Variants in SLC39A11 observed in about 807,000 individuals in gnomAD.
SLC39A11 encodes the protein zinc transporter ZIP11.
Under a neutral mutation model 36.1 loss-of-function variants are expected in SLC39A11, and 33 were observed. That is an observed-to-expected ratio of 0.91 (90% confidence interval 0.69 to 1.22). SLC39A11 has a LOEUF of 1.22. Among genes scored for constraint, SLC39A11 ranks in the 50% most tolerant of loss-of-function variants. The pLI is 0.00. For missense variants in SLC39A11, 432 were observed against 430.3 expected, an observed-to-expected ratio of 1.00 and a Z score of -0.03; for synonymous variants, 166 against 170.3, an observed-to-expected ratio of 0.97 and a Z score of 0.20.
At chr17:72,745,460 C>A (rs911601243) in intron 6 of SLC39A11, among the ~76,000 whole-genome samples, 5 of 152,160 alleles carry the variant, frequency 3.3e-5, no homozygotes, top group Non-Finnish European at 7.3e-5. Context: ...CTGTCATTCC[C>A]CTTGTTCTGG....
At chr17:72,758,483 G>T (rs1341497573) in intron 6 of SLC39A11, among the ~76,000 whole-genome samples, 1 of 152,150 alleles carries the variant, frequency 6.6e-6, no homozygotes, top group Non-Finnish European at 1.5e-5. Flanking sequence ...CTTTCTTGTG[G>T]CAGGAGGTAG....
intron 7 of SLC39A11, among the ~76,000 whole-genome samples, chr17:72,718,146 T>C (rs1245170706): frequency 6.6e-6 from 1 of 152,186 alleles, no homozygotes; most frequent in African/African-American, 2.4e-5. Context: ...AAATGAGGTT[T>C]GATTTTAAAG....
intron 6 of SLC39A11, among the ~76,000 whole-genome samples, chr17:72,826,846 A>G (rs1298809177): frequency 6.6e-6 from 1 of 152,228 alleles, no homozygotes; most frequent in Non-Finnish European, 1.5e-5. Context: ...AAAGCAGATA[A>G]TAACAAGTGT....
intron 7 of SLC39A11, among the ~76,000 whole-genome samples, chr17:72,687,724 A>G (rs2144383177): frequency 6.6e-6 from 1 of 152,342 alleles, no homozygotes; most frequent in South Asian, 2.1e-4. Context: ...TCATGCTAAT[A>G]GTGTTGAAGC....
chr17:72,692,473 G>A (rs146112601), intron 7 of SLC39A11, among the ~76,000 whole-genome samples: 14 of 152,246 alleles, frequency 9.2e-5, no homozygotes, highest in African/African-American at 2.6e-4. Context: ...GAATCATGGC[G>A]GAAGGCAAAA....
chr17:72,742,657 T>C (rs1377577115), intron 6 of SLC39A11, among the ~76,000 whole-genome samples: 4 of 152,076 alleles, frequency 2.6e-5, no homozygotes, highest in Admixed American at 2.6e-4. Context: ...AAAATTTTCC[T>C]TTTTTTTCCT....
intron 6 of SLC39A11, among the ~76,000 whole-genome samples, chr17:72,807,548 C>T (rs1247398730): frequency 2.6e-5 from 4 of 152,104 alleles, no homozygotes. Flanking sequence ...TTATCAACCC[C>T]ACCCACTGAC....
chr17:72,707,949 C>T (rs1438918752), intron 7 of SLC39A11, among the ~76,000 whole-genome samples: 1 of 152,188 alleles, frequency 6.6e-6, no homozygotes, highest in East Asian at 1.9e-4. Flanking sequence ...ATAATCAATT[C>T]TAATTTCTGC....
intron 4 of SLC39A11, among the ~76,000 whole-genome samples, chr17:73,022,966 C>T (rs1414483279): frequency 6.6e-6 from 1 of 152,072 alleles, no homozygotes; most frequent in African/African-American, 2.4e-5. Context: ...CCCTTCTGAA[C>T]AATAAGCTTT....
At chr17:72,730,991 A>T (rs1017716325) in intron 7 of SLC39A11, among the ~76,000 whole-genome samples, 1 of 152,146 alleles carries the variant, frequency 6.6e-6, no homozygotes, top group African/African-American at 2.4e-5. Flanking sequence ...ACCTCAGGTG[A>T]TCCGCCCGCC....
At chr17:72,782,696 A>G (rs867649271) in intron 6 of SLC39A11, among the ~76,000 whole-genome samples, 6,018 of 133,612 alleles carry the variant, frequency 0.045, 95 homozygotes, top group African/African-American at 0.074. Flanking sequence ...TCAAAAAAAA[A>G]AAAAAAAAAA....
intron 6 of SLC39A11, among the ~76,000 whole-genome samples, chr17:72,778,089 G>C (rs924555959): frequency 2.0e-5 from 3 of 152,118 alleles, no homozygotes; most frequent in Non-Finnish European, 4.4e-5. Context: ...ATTTTTAGTG[G>C]AGATGGGGTT....
intron 6 of SLC39A11, among the ~76,000 whole-genome samples, chr17:72,809,131 T>C (rs1403916802): frequency 2.0e-5 from 3 of 152,186 alleles, no homozygotes; most frequent in Non-Finnish European, 4.4e-5. Flanking sequence ...TTTTCCTCTC[T>C]TCCCCGGAGG....
intron 5 of SLC39A11, among the ~76,000 whole-genome samples, chr17:72,861,657 TTATATATATATATATATATATA>T (rs373265286): frequency 7.9e-5 from 4 of 50,952 alleles, no homozygotes; most frequent in Admixed American, 5.9e-4. Flanking sequence ...ATACAACACA[TTATATATATATATATATATATA>T]TATATATATA....
intron 4 of SLC39A11, among the ~76,000 whole-genome samples, chr17:73,021,764 C>T (rs2058360296): frequency 6.6e-6 from 1 of 152,176 alleles, no homozygotes; most frequent in African/African-American, 2.4e-5. Flanking sequence ...GACAGGTATC[C>T]AGTTACAACT....
chr17:72,840,296 T>C (rs1474006997), intron 6 of SLC39A11, among the ~76,000 whole-genome samples: 2 of 152,216 alleles, frequency 1.3e-5, no homozygotes, highest in Non-Finnish European at 2.9e-5. Context: ...CAAAACAAAC[T>C]TGGCTCTTGA....
intron 6 of SLC39A11, among the ~76,000 whole-genome samples, chr17:72,837,290 C>T (rs2078597276): frequency 6.7e-6 from 1 of 148,788 alleles, no homozygotes; most frequent in African/African-American, 2.5e-5. Context: ...CTTTATTTTT[C>T]TCCTGTCTAT....
intron 7 of SLC39A11, among the ~76,000 whole-genome samples, chr17:72,736,272 G>A (rs987873831): frequency 5.3e-5 from 8 of 152,092 alleles, no homozygotes; most frequent in East Asian, 1.9e-4. Context: ...AGAGGGAAAC[G>A]AAGGGACCCT....
At chr17:72,927,758 T>G (rs1298627014) in intron 5 of SLC39A11, among the ~76,000 whole-genome samples, 1 of 152,052 alleles carries the variant, frequency 6.6e-6, no homozygotes, top group Non-Finnish European at 1.5e-5. Flanking sequence ...AATAGGTGAT[T>G]TCATCTCTTA....
Sources: allele counts gnomAD v4.1 joint callset (sites outside exome capture counted in the v4.1 genomes callset), GRCh38; gene constraint gnomAD v4.1.1; transcripts MANE v1.5; gene names NCBI Gene and HGNC (gene_info 2026-07-23, HGNC 2026-07-21).